MYO3A: variants seen among roughly 807,000 people sequenced by gnomAD.
MYO3A encodes the protein myosin-IIIa.
Under a neutral mutation model 192.7 loss-of-function variants are expected in MYO3A, and 180 were observed. That is an observed-to-expected ratio of 0.93 (90% confidence interval 0.83 to 1.06). MYO3A has a LOEUF of 1.06. MYO3A is among the 50% of genes least tolerant of loss of function. MYO3A has a pLI of 0.00. For missense variants in MYO3A, 1,896 were observed against 1,905.0 expected, an observed-to-expected ratio of 1.00 and a Z score of 0.09; for synonymous variants, 628 against 645.3, an observed-to-expected ratio of 0.97 and a Z score of 0.41.
chr10:25,942,572 A>G (rs1287329963), intron 2 of MYO3A, among the ~76,000 whole-genome samples: 2 of 152,178 alleles, frequency 1.3e-5, no homozygotes, highest in South Asian at 2.1e-4. Context: ...AAGAGTTCCA[A>G]TTTCTCTACA....
intron 23 of MYO3A, 48 bp from the exon 24 acceptor site, chr10:26,153,802 C>A (rs141299261): frequency 8.4e-7 from 1 of 1,189,394 alleles, no homozygotes; most frequent in African/African-American, 1.5e-5. Context: ...AATCATCTAG[C>A]CATTAAGGAT....
intron 14 of MYO3A, among the ~76,000 whole-genome samples, chr10:26,081,539 T>C (rs891469915): frequency 2.0e-5 from 3 of 152,180 alleles, no homozygotes; most frequent in Admixed American, 6.5e-5. Flanking sequence ...CTGTGGGGTC[T>C]GCACACCAGA....
At chr10:26,057,298 G>A (rs1212812588) in intron 10 of MYO3A, among the ~76,000 whole-genome samples, 2 of 152,132 alleles carry the variant, frequency 1.3e-5, no homozygotes, top group Admixed American at 6.5e-5. Context: ...ATATGGACCC[G>A]GTGGAAAGGA....
chr10:25,935,671 A>C (rs1032922149), intron 1 of MYO3A, 73 bp from the exon 2 acceptor site: 2 of 152,210 alleles, frequency 1.3e-5, no homozygotes, highest in African/African-American at 4.8e-5. Context: ...TCTAAGTTCA[A>C]CTTCTGATTA....
At chr10:26,199,055 CAT>C (rs949062447) in intron 32 of MYO3A, among the ~76,000 whole-genome samples, 26 of 152,308 alleles carry the variant, frequency 1.7e-4, no homozygotes, top group Admixed American at 3.3e-4. Flanking sequence ...GAGGTTAATG[CAT>C]CGTGCTCCCC....
At chr10:26,015,253 TACC>T (rs922572135) in intron 6 of MYO3A, among the ~76,000 whole-genome samples, 1 of 152,174 alleles carries the variant, frequency 6.6e-6, no homozygotes, top group African/African-American at 2.4e-5. Flanking sequence ...CTTCTCATTA[TACC>T]AACATTCTGC....
At chr10:25,965,275 C>CTTT (rs1241523293) in intron 4 of MYO3A, among the ~76,000 whole-genome samples, 1 of 152,132 alleles carries the variant, frequency 6.6e-6, no homozygotes, top group Non-Finnish European at 1.5e-5. Flanking sequence ...TGCACTGGGT[C>CTTT]TTTTACTTCA....
In MYO3A at chr10:25,974,654, C is replaced by A. The variant is rs1169078044; in HGVS notation, c.303+19646C>A. 3.3e-5 allele frequency among the ~76,000 whole-genome samples: 5 copies of A among 152,170 alleles called. No homozygotes were observed. The East Asian group carries it at 9.6e-4, about 29-fold the overall frequency. ...GAGGATGGCTCAAATGCCACAGACT[C>A]CTACTGTTCTAACTGAGATTGTGTT... On this transcript the variant is annotated intron_variant, in intron 4 of 34. Transcript: ENST00000642920.
chr10:25,948,581 G>A (rs977863901), intron 2 of MYO3A, among the ~76,000 whole-genome samples: 1 of 152,018 alleles, frequency 6.6e-6, no homozygotes, highest in Admixed American at 6.6e-5. Context: ...GCATGCTAAA[G>A]TATTAGGGAA....
At chr10:26,187,075 T>C (rs764746715) in intron 31 of MYO3A, among the ~76,000 whole-genome samples, 3 of 152,208 alleles carry the variant, frequency 2.0e-5, no homozygotes, top group Non-Finnish European at 4.4e-5. Context: ...CAGAAGTATA[T>C]GAATATCTAC....
chr10:25,973,486 G>A (rs1042502528), intron 4 of MYO3A, among the ~76,000 whole-genome samples: 1 of 152,076 alleles, frequency 6.6e-6, no homozygotes, highest in Non-Finnish European at 1.5e-5. Context: ...TCTCTTGCCT[G>A]ATTGCCCTGG....
intron 4 of MYO3A, among the ~76,000 whole-genome samples, chr10:25,980,898 A>G (rs1039671167): frequency 2.6e-5 from 4 of 152,196 alleles, no homozygotes; most frequent in African/African-American, 9.6e-5. Flanking sequence ...ACTGTTATAC[A>G]TTTTATGGAT....
intron 31 of MYO3A, among the ~76,000 whole-genome samples, chr10:26,190,446 A>G (rs375567060): frequency 7.9e-5 from 12 of 152,196 alleles, no homozygotes; most frequent in African/African-American, 2.9e-4. Context: ...AGTAAGGAGT[A>G]AGAAATTAGG....
At chr10:26,072,198 G>A (rs1004321503) in intron 14 of MYO3A, among the ~76,000 whole-genome samples, 11 of 152,148 alleles carry the variant, frequency 7.2e-5, no homozygotes, top group African/African-American at 2.7e-4. Flanking sequence ...CACCTCCTTT[G>A]ACATGAGGGG....
intron 4 of MYO3A, among the ~76,000 whole-genome samples, chr10:25,981,790 C>T (rs1295535888): frequency 6.6e-6 from 1 of 152,238 alleles, no homozygotes; most frequent in Non-Finnish European, 1.5e-5. Context: ...GCAAGATTAA[C>T]TTGCAGCTCC....
chr10:26,000,468 A>G (rs946380265), intron 6 of MYO3A, among the ~76,000 whole-genome samples: 1 of 152,248 alleles, frequency 6.6e-6, no homozygotes, highest in Non-Finnish European at 1.5e-5. Flanking sequence ...GATTGAGGTA[A>G]CATTCAGTTT....
intron 31 of MYO3A, among the ~76,000 whole-genome samples, chr10:26,186,660 C>T (rs1274767050): frequency 1.3e-5 from 2 of 152,104 alleles, no homozygotes; most frequent in Non-Finnish European, 1.5e-5. Context: ...ATTCAGGTGC[C>T]TTCCCATGCT....
At chr10:25,941,338 G>A (rs1375725874) in intron 2 of MYO3A, among the ~76,000 whole-genome samples, 1 of 152,182 alleles carries the variant, frequency 6.6e-6, no homozygotes, top group Non-Finnish European at 1.5e-5. Context: ...AAAGAAAGCA[G>A]AGGAAAAATA....
chr10:25,981,235 A>T (rs1170577889), intron 4 of MYO3A, among the ~76,000 whole-genome samples: 4 of 152,196 alleles, frequency 2.6e-5, no homozygotes, highest in Non-Finnish European at 5.9e-5. Flanking sequence ...CTAGTAGAAA[A>T]GTGTACTGTT....
Sources: allele counts gnomAD v4.1 joint callset (sites outside exome capture counted in the v4.1 genomes callset), GRCh38; gene constraint gnomAD v4.1.1; transcripts MANE v1.5; gene names NCBI Gene and HGNC (gene_info 2026-07-23, HGNC 2026-07-21).